Variants in CDH22 observed in about 807,000 individuals in gnomAD.
CDH22 encodes cadherin 22, also known as cadherin-22.
In CDH22, 30 loss-of-function variants were observed where a neutral mutation model predicts 58.4. The observed-to-expected ratio is 0.51, with a 90% CI of 0.38 to 0.70. The LOEUF is 0.70. Among genes scored for constraint, CDH22 ranks in the 30% least tolerant of loss-of-function variants. The pLI is 0.00. For missense variants in CDH22, 1,014 were observed against 1,233.9 expected, an observed-to-expected ratio of 0.82 and a Z score of 2.67; for synonymous variants, 513 against 558.2, an observed-to-expected ratio of 0.92 and a Z score of 1.14.
intron 1 of CDH22, among the ~76,000 whole-genome samples, chr20:46,288,022 G>A (rs1404132379): frequency 6.6e-6 from 1 of 152,148 alleles, no homozygotes; most frequent in African/African-American, 2.4e-5. Flanking sequence ...GGACCTGTTC[G>A]GTAAGACCTT....
At chr20:46,192,922 C>A (rs6094261) in intron 8 of CDH22, among the ~76,000 whole-genome samples, 9 of 151,940 alleles carry the variant, frequency 5.9e-5, no homozygotes, top group Non-Finnish European at 1.0e-4. Flanking sequence ...CATGCCCCCC[C>A]CCAGTGGGAG....
chr20:46,197,035 C>T (rs1298115702), intron 8 of CDH22, among the ~76,000 whole-genome samples: 1 of 152,132 alleles, frequency 6.6e-6, no homozygotes, highest in Non-Finnish European at 1.5e-5. Flanking sequence ...ACATCTCCTT[C>T]CCCACAGTCA....
intron 2 of CDH22, among the ~76,000 whole-genome samples, chr20:46,243,318 A>G (rs2086305308): frequency 6.6e-6 from 1 of 152,372 alleles, no homozygotes; most frequent in Non-Finnish European, 1.5e-5. Context: ...AAACATTTTC[A>G]TATTTCATTA....
chr20:46,182,896 G>A (rs1367766165), intron 10 of CDH22, among the ~76,000 whole-genome samples: 1 of 152,194 alleles, frequency 6.6e-6, no homozygotes, highest in African/African-American at 2.4e-5. Context: ...AGTGGGAAGG[G>A]GCTGAGGGAC....
At chr20:46,176,277 T>TC (rs1054609267) in intron 11 of CDH22, among the ~76,000 whole-genome samples, 24 of 152,200 alleles carry the variant, frequency 1.6e-4, no homozygotes, top group Non-Finnish European at 2.5e-4. Flanking sequence ...CCTGGACCTC[T>TC]CCCCTGAAAT....
chr20:46,237,118 C>T (rs2086258891), intron 3 of CDH22, among the ~76,000 whole-genome samples: 1 of 152,212 alleles, frequency 6.6e-6, no homozygotes, highest in Non-Finnish European at 1.5e-5. Flanking sequence ...TGGCACATAG[C>T]AGGCACTCAA....
chr20:46,210,926 A>C lies in CDH22; in HGVS notation c.1033-366T>G, dbSNP rs920502068. On this transcript the variant is annotated intron_variant, in intron 6 of 11. Coordinates refer to ENST00000537909, the MANE Select transcript of CDH22 (RefSeq NM_021248.3). The surrounding 1 kb of genome is among the most constrained non-coding windows in gnomAD (Gnocchi z 4.5). ...AGTATATTAACTCAACTTGACATCA[A>C]CCCTAAGAGGCTTGTATTCTTATGA... 6.6e-6 allele frequency among the ~76,000 whole-genome samples: 1 copy of C among 152,138 alleles called. No individual in the cohort carries two copies. Among genetic ancestry groups the C allele is most frequent in the Non-Finnish European group, 1.5e-5 (1 of 68,032 alleles).
intron 4 of CDH22, chr20:46,220,915 C>T (rs1231519811): frequency 1.3e-5 from 2 of 152,802 alleles, no homozygotes; most frequent in Non-Finnish European, 2.9e-5. Flanking sequence ...TTCCGGTATC[C>T]ACGCCCTTGG....
At chr20:46,197,495 A>T (rs1015636541) in intron 8 of CDH22, among the ~76,000 whole-genome samples, 2 of 152,162 alleles carry the variant, frequency 1.3e-5, no homozygotes, top group Non-Finnish European at 2.9e-5. Flanking sequence ...GTGGTGGGAC[A>T]CTGGGCCGGT....
chr20:46,185,267 C>A (rs1347426993), intron 10 of CDH22, among the ~76,000 whole-genome samples: 1 of 152,098 alleles, frequency 6.6e-6, no homozygotes, highest in Non-Finnish European at 1.5e-5. Context: ...CTGGTGACTG[C>A]CCCCTTCCCT....
intron 3 of CDH22, among the ~76,000 whole-genome samples, chr20:46,231,290 G>A (rs1465604538): frequency 1.3e-5 from 2 of 152,206 alleles, no homozygotes; most frequent in African/African-American, 2.4e-5. Context: ...GGAATGGCTT[G>A]TCCTTGAAGA....
intron 7 of CDH22, 133 bp from the exon 8 acceptor site, chr20:46,199,692 C>T (rs1055517194): frequency 1.2e-5 from 13 of 1,127,498 alleles, no homozygotes; most frequent in Middle Eastern, 2.1e-4. Flanking sequence ...AAACCCCTTG[C>T]GACCGAGGAG....
chr20:46,174,650 C>A lies in CDH22; in HGVS notation c.2343G>T (p.Pro781=). The change falls in exon 12 of 12, where the codon CCG becomes CCT. Residue 781 remains proline (P), a synonymous_variant. Coordinates refer to ENST00000537909, the MANE Select transcript of CDH22 (RefSeq NM_021248.3). The surrounding 1 kb of genome is among the most constrained non-coding windows in gnomAD (Gnocchi z 4.4). The part of the protein sequence containing the change: ...QTYAFEGADS[P]AASLSSLHSG... ...TGTGCAGGGAGCTGAGCGAGGCGGCCGGCGAGTCCGCGCCCTCGAAGGCGT... is the reference window on the plus strand; with the variant it reads ...TGTGCAGGGAGCTGAGCGAGGCGGCAGGCGAGTCCGCGCCCTCGAAGGCGT... 6.4e-7 allele frequency: 1 copy of A among 1,555,186 alleles called. No homozygotes were observed. The highest frequency in any genetic ancestry group is 2.3e-5 in the East Asian group (1 of 43,072).
At chr20:46,264,959 C>T (rs568873014) in intron 1 of CDH22, among the ~76,000 whole-genome samples, 96 of 152,330 alleles carry the variant, frequency 6.3e-4, no homozygotes, top group African/African-American at 2.1e-3. Flanking sequence ...GCACTGCTCA[C>T]CTGCCCAGGG....
intron 1 of CDH22, among the ~76,000 whole-genome samples, chr20:46,268,384 C>T (rs543434794): frequency 3.9e-3 from 592 of 152,372 alleles, no homozygotes; most frequent in Non-Finnish European, 6.1e-3. Context: ...TCCCGCAGCT[C>T]CCCGAGGTCC....
chr20:46,245,525 G>A (rs2086321925), intron 2 of CDH22, among the ~76,000 whole-genome samples: 1 of 152,064 alleles, frequency 6.6e-6, no homozygotes, highest in South Asian at 2.1e-4. Context: ...ACAGGGGGTG[G>A]GAAAGTTGAA....
At chr20:46,243,817 C>T (rs1003806239) in intron 2 of CDH22, among the ~76,000 whole-genome samples, 2 of 152,200 alleles carry the variant, frequency 1.3e-5, no homozygotes, top group Admixed American at 6.5e-5. Context: ...AGATGCTTAA[C>T]AGCTATAATC....
intron 8 of CDH22, among the ~76,000 whole-genome samples, chr20:46,190,751 G>A (rs1299375893): frequency 2.0e-5 from 3 of 152,160 alleles, no homozygotes; most frequent in East Asian, 1.9e-4. Context: ...AAAATTAAAC[G>A]TGCTTTGGCC....
At chr20:46,226,267 TC>T (rs749357058) in intron 4 of CDH22, among the ~76,000 whole-genome samples, 2,921 of 36,546 alleles carry the variant, frequency 0.08, 226 homozygotes, top group African/African-American at 0.12. Context: ...TTCTTCTTCT[TC>T]TTCTTCTTCT....
Sources: allele counts gnomAD v4.1 joint callset (sites outside exome capture counted in the v4.1 genomes callset), GRCh38; gene constraint gnomAD v4.1.1; non-coding constraint Gnocchi (gnomAD v3.1); transcripts MANE v1.5; gene names NCBI Gene and HGNC (gene_info 2026-07-23, HGNC 2026-07-21).